The following GRID2 variants were observed in gnomAD, a reference collection of about 807,000 sequenced individuals.
The protein encoded by GRID2 is glutamate receptor ionotropic, delta-2.
In GRID2, 33 loss-of-function variants were observed where a neutral mutation model predicts 114.8. That is an observed-to-expected ratio of 0.29 (90% CI 0.22 to 0.38). The LOEUF (loss-of-function observed/expected upper bound fraction) is 0.38, where lower values mean the gene tolerates loss of function less well. GRID2 is among the 10% of genes least tolerant of loss of function. The probability of loss-of-function intolerance (pLI) is 1.00; values close to 1 mark genes in which losing one functional copy is unlikely to be tolerated. For missense variants in GRID2, 1,184 were observed against 1,257.7 expected (o/e 0.94, Z 0.89); for synonymous variants, 505 against 449.9 (o/e 1.12, Z -1.55).
intron 9 of GRID2, among the ~76,000 whole-genome samples, chr4:93,417,200 G>A (rs913803555): frequency 6.6e-6 from 1 of 151,972 alleles, no homozygotes; most frequent in African/African-American, 2.4e-5. Context: ...ATAGGCACAA[G>A]CCATAATCTC....
At chr4:92,872,170 T>G (rs1424220527) in intron 2 of GRID2, among the ~76,000 whole-genome samples, 1 of 152,198 alleles carries the variant, frequency 6.6e-6, no homozygotes, top group Non-Finnish European at 1.5e-5. Flanking sequence ...ATAATTATGT[T>G]AACAATTTAT....
chr4:92,523,154 C>T (rs1724871441), intron 1 of GRID2, among the ~76,000 whole-genome samples: 1 of 151,906 alleles, frequency 6.6e-6, no homozygotes, highest in Admixed American at 6.6e-5. Flanking sequence ...TAAAAATCAT[C>T]ATGGCCATGA....
At chr4:92,932,280 A>G (rs929355730) in intron 2 of GRID2, among the ~76,000 whole-genome samples, 2 of 151,390 alleles carry the variant, frequency 1.3e-5, no homozygotes, top group African/African-American at 4.8e-5. Flanking sequence ...TGTGAGTATG[A>G]AAAATATGCT....
At chr4:92,896,009 T>A (rs1053170014) in intron 2 of GRID2, among the ~76,000 whole-genome samples, 1 of 152,304 alleles carries the variant, frequency 6.6e-6, no homozygotes, top group Non-Finnish European at 1.5e-5. Context: ...AAATGAATTA[T>A]TTTTGATTTA....
intron 13 of GRID2, among the ~76,000 whole-genome samples, chr4:93,588,337 T>C (rs955034844): frequency 7.9e-5 from 12 of 152,110 alleles, no homozygotes; most frequent in Admixed American, 2.6e-4. Flanking sequence ...TTTATACACA[T>C]TCATTATGTT....
At chr4:93,474,608 C>A (rs143700312) in intron 11 of GRID2, among the ~76,000 whole-genome samples, 73 of 152,090 alleles carry the variant, frequency 4.8e-4, no homozygotes, top group African/African-American at 1.7e-3. Context: ...AGGGAGAAAA[C>A]GAAATGGAAA....
intron 1 of GRID2, among the ~76,000 whole-genome samples, chr4:93,806,478 A>G (rs1035448059): frequency 2.0e-5 from 3 of 152,228 alleles, no homozygotes; most frequent in South Asian, 2.1e-4. Context: ...TCCTTGAAAC[A>G]GGTTCTATTG....
At chr4:92,420,823 T>A (rs1731868539) in intron 1 of GRID2, among the ~76,000 whole-genome samples, 1 of 152,148 alleles carries the variant, frequency 6.6e-6, no homozygotes, top group Non-Finnish European at 1.5e-5. Flanking sequence ...TAGCTGGGAT[T>A]ACAGGCACGT....
chr4:92,622,307 C>T (rs1260654298), intron 2 of GRID2, among the ~76,000 whole-genome samples: 2 of 151,636 alleles, frequency 1.3e-5, no homozygotes, highest in Admixed American at 1.3e-4. Flanking sequence ...TTACTGTTTT[C>T]ATGGTTAGGC....
intron 2 of GRID2, among the ~76,000 whole-genome samples, chr4:93,034,673 C>A (rs1262958161): frequency 6.6e-6 from 1 of 152,112 alleles, no homozygotes; most frequent in Non-Finnish European, 1.5e-5. Context: ...TATTTCTTCC[C>A]TGGGCAAACT....
intron 1 of GRID2, among the ~76,000 whole-genome samples, chr4:92,545,218 A>C (rs1157028537): frequency 6.6e-6 from 1 of 152,176 alleles, no homozygotes; most frequent in Non-Finnish European, 1.5e-5. Context: ...GTAAAAAAAA[A>C]AATGTGTGGT....
At chr4:93,655,473 T>A (rs182317685) in intron 14 of GRID2, among the ~76,000 whole-genome samples, 18 of 152,040 alleles carry the variant, frequency 1.2e-4, no homozygotes, top group Non-Finnish European at 2.1e-4. Flanking sequence ...TTTCTTTTTT[T>A]AAAAAAAGAA....
At chr4:92,855,505 T>A (rs1032978143) in intron 2 of GRID2, among the ~76,000 whole-genome samples, 1 of 152,042 alleles carries the variant, frequency 6.6e-6, no homozygotes, top group Non-Finnish European at 1.5e-5. Flanking sequence ...CATATGACAT[T>A]GCTTACTTAA....
At chr4:92,658,826 C>T (rs1732381563) in intron 2 of GRID2, among the ~76,000 whole-genome samples, 2 of 130,850 alleles carry the variant, frequency 1.5e-5, no homozygotes, top group Non-Finnish European at 3.4e-5. Flanking sequence ...TATACACACA[C>T]ACAATCACAT....
intron 13 of GRID2, among the ~76,000 whole-genome samples, chr4:93,531,945 A>T (rs1435659833): frequency 6.6e-6 from 1 of 152,182 alleles, no homozygotes; most frequent in African/African-American, 2.4e-5. Flanking sequence ...TTTCCAAATC[A>T]TACTTAAATA....
chr4:93,098,679 T>C (rs1046374834), intron 3 of GRID2, among the ~76,000 whole-genome samples: 1 of 151,920 alleles, frequency 6.6e-6, no homozygotes. Flanking sequence ...CTTCATCAAA[T>C]GAGCTACTTG....
intron 8 of GRID2, among the ~76,000 whole-genome samples, chr4:93,263,630 A>G (rs929801360): frequency 8.5e-5 from 13 of 152,070 alleles, no homozygotes; most frequent in African/African-American, 3.1e-4. Flanking sequence ...TTGTTTCACA[A>G]TATAGTTCAT....
At chr4:92,788,493 C>T (rs143333000) in intron 2 of GRID2, among the ~76,000 whole-genome samples, 1 of 151,934 alleles carries the variant, frequency 6.6e-6, no homozygotes, top group African/African-American at 2.4e-5. Flanking sequence ...TGTGTTCATC[C>T]TTAAAAGAGA....
intron 1 of GRID2, among the ~76,000 whole-genome samples, chr4:92,496,178 A>T (rs1723379325): frequency 6.6e-6 from 1 of 151,854 alleles, no homozygotes; most frequent in African/African-American, 2.4e-5. Context: ...ATTTTTATTT[A>T]TTTTAAAAAA....
Sources: allele counts gnomAD v4.1 joint callset (sites outside exome capture counted in the v4.1 genomes callset), GRCh38; gene constraint gnomAD v4.1.1; transcripts MANE v1.5; gene names NCBI Gene and HGNC (gene_info 2026-07-23, HGNC 2026-07-21).